CNGA3: variants seen among roughly 807,000 people sequenced by gnomAD.
CNGA3 encodes the protein cyclic nucleotide-gated channel alpha-3.
In CNGA3, 42 loss-of-function variants were observed where a neutral mutation model predicts 46.6. The observed-to-expected ratio is 0.90, with a 90% confidence interval of 0.70 to 1.17. The LOEUF is 1.17. CNGA3 is among the 50% of genes most tolerant of loss of function. The pLI, the probability that CNGA3 is intolerant of heterozygous loss-of-function variation, is 0.00. For synonymous variants in CNGA3, 394 were observed against 369.4 expected, an observed-to-expected ratio of 1.07 and a Z score of -0.76; for missense variants, 893 against 890.7, an observed-to-expected ratio of 1.00 and a Z score of -0.03.
chr2:98,389,888 A>G, intron 6 of CNGA3, 114 bp downstream of exon 6: 1 of 727,026 alleles, frequency 1.4e-6, no homozygotes, highest in Non-Finnish European at 2.4e-6. Context: ...CCTCACGGCC[A>G]CCACTTAGTT....
chr2:98,357,664 G>C (rs973856508), intron 1 of CNGA3, among the ~76,000 whole-genome samples: 19 of 152,094 alleles, frequency 1.2e-4, no homozygotes, highest in African/African-American at 4.3e-4. Flanking sequence ...TGGTGGCAGG[G>C]GGACATGCTA....
At chr2:98,348,910 G>A (rs759427538) in intron 1 of CNGA3, among the ~76,000 whole-genome samples, 1 of 152,156 alleles carries the variant, frequency 6.6e-6, no homozygotes, top group Non-Finnish European at 1.5e-5. Context: ...GTTGAGAGAG[G>A]TGGGAGTGAC....
chr2:98,377,141 C>A, intron 2 of CNGA3: 2 of 167,774 alleles, frequency 1.2e-5, no homozygotes, highest in East Asian at 1.6e-4. Flanking sequence ...GTGCAATATT[C>A]CAGGGCCTCC....
At chr2:98,351,131 T>C (rs897796251) in intron 1 of CNGA3, 9 of 152,260 alleles carry the variant, frequency 5.9e-5, no homozygotes, top group African/African-American at 2.2e-4. Context: ...TTAATACTTA[T>C]TGGTCCCAGA....
intron 4 of CNGA3, among the ~76,000 whole-genome samples, chr2:98,381,583 T>G (rs1051770134): frequency 1.3e-5 from 2 of 152,178 alleles, no homozygotes; most frequent in Non-Finnish European, 2.9e-5. Context: ...GCACGGGCAT[T>G]TTTAAGATGG....
chr2:98,396,093 T>C lies in CNGA3; in HGVS notation c.923T>C (p.Leu308Ser). The change falls in exon 8 of 8, where the codon TTG (leucine) becomes TCG (serine). Residue 308 changes from leucine (L) to serine (S), a missense_variant. By Grantham distance (145) the Leu-to-Ser change is moderately radical. This residue lies in a region of CNGA3 where 548 missense variants were observed against 570.8 expected (regional missense o/e 0.96). Coordinates refer to ENST00000272602, the MANE Select transcript of CNGA3 (RefSeq NM_001298.3). ...PNMFRIGNLV[L>S]YILIIIHWNA... ...ATGTTCAGGATTGGGAACTTGGTCT[T>C]GTACATTCTCATCATCATCCACTGG... 1 of 1,614,250 alleles carries C rather than the reference T, an allele frequency of 6.2e-7. No homozygotes were observed. Among genetic ancestry groups the C allele is most frequent in the Non-Finnish European group, 8.5e-7 (1 of 1,180,046 alleles).
At chr2:98,370,562 G>A (rs940954690) in intron 2 of CNGA3, among the ~76,000 whole-genome samples, 3 of 152,194 alleles carry the variant, frequency 2.0e-5, no homozygotes, top group African/African-American at 7.2e-5. Flanking sequence ...TATAGGGAGT[G>A]GGCAGTGCCC....
At chr2:98,384,742 C>T (rs1469076821) in intron 5 of CNGA3, among the ~76,000 whole-genome samples, 1 of 152,120 alleles carries the variant, frequency 6.6e-6, no homozygotes, top group East Asian at 1.9e-4. Context: ...GACAGAGGTC[C>T]TGGGGGTTTC....
In CNGA3 at chr2:98,391,844, C is replaced by T. The variant is rs779966971; in HGVS notation, c.567-20C>T. On this transcript the variant is annotated intron_variant, in intron 6 of 7. Transcript: ENST00000272602. ...CAGAAACACACGCACAGCCATCCAT[C>T]TCCCACATGGCTTCTTTAGGGCCTG... The T allele has an allele frequency of 6.2e-7, 1 of 1,611,898 alleles. No individual in the cohort carries two copies. Among genetic ancestry groups the T allele is most frequent in the East Asian group, 2.2e-5 (1 of 44,868 alleles).
intron 1 of CNGA3, among the ~76,000 whole-genome samples, chr2:98,364,353 G>A (rs971526858): frequency 6.6e-6 from 1 of 151,976 alleles, no homozygotes; most frequent in African/African-American, 2.4e-5. Flanking sequence ...ACTCCAGCCT[G>A]GGCAACAGAG....
chr2:98,363,891 G>C lies in CNGA3; in HGVS notation c.-37-6048G>C, dbSNP rs372392360. ...TGATCTGTCTAATATTGACAGTGGG[G>C]TGTTAAAGTCTCCCGCTGTTATTGT... On this transcript the variant is annotated intron_variant, in intron 1 of 7. Coordinates refer to ENST00000272602, the MANE Select transcript of CNGA3 (RefSeq NM_001298.3). Among the ~76,000 whole-genome samples, 16 of 152,248 alleles carry C rather than the reference G, an allele frequency of 1.1e-4. No homozygotes were observed. In the East Asian group the frequency reaches 2.5e-3, roughly 24 times the overall value.
intron 6 of CNGA3, 135 bp downstream of exon 6, chr2:98,389,909 G>C: frequency 1.5e-6 from 1 of 645,580 alleles, no homozygotes; most frequent in Non-Finnish European, 2.7e-6. Context: ...ATTGTGCCTC[G>C]GTTTCTCCTT....
intron 4 of CNGA3, among the ~76,000 whole-genome samples, 168 bp downstream of exon 4, chr2:98,380,522 A>T (rs2271039): frequency 0.67 from 102,401 of 152,054 alleles, 34,946 homozygotes; most frequent in African/African-American, 0.72. Context: ...TACATGCTCT[A>T]ACAGCCTCTG....
intron 2 of CNGA3, among the ~76,000 whole-genome samples, chr2:98,371,552 T>A (rs914312858): frequency 1.3e-5 from 2 of 152,212 alleles, no homozygotes; most frequent in Admixed American, 6.5e-5. Flanking sequence ...CCAACAGATA[T>A]TTATTTCCTC....
At chr2:98,374,989 T>TGACCA (rs1692371696) in intron 2 of CNGA3, among the ~76,000 whole-genome samples, 1 of 152,318 alleles carries the variant, frequency 6.6e-6, no homozygotes, top group Non-Finnish European at 1.5e-5. Flanking sequence ...AGAGGGTAAG[T>TGACCA]GACCAGCCCA....
intron 1 of CNGA3, among the ~76,000 whole-genome samples, chr2:98,349,497 C>T (rs1691728478): frequency 6.6e-6 from 1 of 152,210 alleles, no homozygotes. Context: ...AAGGTTCATT[C>T]ATTTACACAT....
intron 1 of CNGA3, among the ~76,000 whole-genome samples, chr2:98,367,823 T>C (rs1395560398): frequency 6.6e-6 from 1 of 152,168 alleles, no homozygotes; most frequent in East Asian, 1.9e-4. Flanking sequence ...ACTGTGGCAA[T>C]TTTTTAGCTG....
Position 98,366,138 on chromosome 2 carries a change from T to G in CNGA3, c.-37-3801T>G, listed in dbSNP as rs1692144650. ...TGTTGCTTTGTTTATTTCTCAATAG[T>G]CAGACCCTTCTTTTGTAGGGCTGCT... On this transcript the variant is annotated intron_variant, in intron 1 of 7. Transcript: ENST00000272602. Among the ~76,000 whole-genome samples the G allele has an allele frequency of 2.6e-5, 4 of 152,354 alleles. No individual in the cohort carries two copies. In the South Asian group the frequency reaches 8.3e-4, roughly 32 times the overall value.
intron 1 of CNGA3, among the ~76,000 whole-genome samples, chr2:98,349,492 T>C (rs1257484207): frequency 6.6e-6 from 1 of 152,194 alleles, no homozygotes; most frequent in East Asian, 1.9e-4. Flanking sequence ...TATGGAAGGT[T>C]CATTCATTTA....
Sources: allele counts gnomAD v4.1 joint callset (sites outside exome capture counted in the v4.1 genomes callset), GRCh38; gene constraint gnomAD v4.1.1; regional missense constraint gnomAD v4.1.1; transcripts MANE v1.5; gene names NCBI Gene and HGNC (gene_info 2026-07-23, HGNC 2026-07-21).